Variants in GABRG2 observed in about 807,000 individuals in gnomAD.
The protein encoded by GABRG2 is gamma-aminobutyric acid type A receptor subunit gamma2.
Under a neutral mutation model 56.4 loss-of-function variants are expected in GABRG2, and 16 were observed. That is an observed-to-expected ratio of 0.28 (90% CI 0.19 to 0.43). GABRG2 has a LOEUF of 0.43. GABRG2 is among the 20% of genes least tolerant of loss of function. The pLI is 1.00. For missense variants in GABRG2, 327 were observed against 582.7 expected (o/e 0.56, Z 4.52); for synonymous variants, 208 against 205.5 (o/e 1.01, Z -0.10).
intron 6 of GABRG2, among the ~76,000 whole-genome samples, chr5:162,130,887 A>AG (rs1763693973): frequency 6.6e-6 from 1 of 151,958 alleles, no homozygotes; most frequent in Non-Finnish European, 1.5e-5. Context: ...GTCCCCATAG[A>AG]AGGCATGGAG....
At chr5:162,122,017 G>A (rs1375124862) in intron 6 of GABRG2, among the ~76,000 whole-genome samples, 1 of 151,962 alleles carries the variant, frequency 6.6e-6, no homozygotes, top group Non-Finnish European at 1.5e-5. Flanking sequence ...TAGTGTCACT[G>A]AAGGCAAAAG....
intron 6 of GABRG2, among the ~76,000 whole-genome samples, chr5:162,125,358 T>C (rs1353119926): frequency 6.6e-6 from 1 of 151,788 alleles, no homozygotes; most frequent in Admixed American, 6.6e-5. Flanking sequence ...CTGATTTTAA[T>C]ATACGTTTTA....
At chr5:162,084,361 TTTTCAGTTTACCATGAAACACTATAGCAA>T (rs1759892379) in intron 1 of GABRG2, among the ~76,000 whole-genome samples, 1 of 151,886 alleles carries the variant, frequency 6.6e-6, no homozygotes, top group Non-Finnish European at 1.5e-5. Context: ...CTATTTTGAA[TTTTCAGTTTACCATGAAACACTATAGCAA>T]GTGACGTCTG....
At chr5:162,122,499 C>A (rs955426786) in intron 6 of GABRG2, among the ~76,000 whole-genome samples, 1 of 151,596 alleles carries the variant, frequency 6.6e-6, no homozygotes, top group Non-Finnish European at 1.5e-5. Flanking sequence ...CTATATAAAC[C>A]GTTCGTTACA....
chr5:162,091,945 G>T (rs1760630325), intron 1 of GABRG2, among the ~76,000 whole-genome samples: 2 of 151,990 alleles, frequency 1.3e-5, no homozygotes, highest in Admixed American at 1.3e-4. Flanking sequence ...TTTTGAAAAG[G>T]CACTTTTGCA....
chr5:162,137,277 TC>T (rs1764204927), intron 6 of GABRG2, among the ~76,000 whole-genome samples: 1 of 152,184 alleles, frequency 6.6e-6, no homozygotes, highest in Admixed American at 6.5e-5. Context: ...GTAGTGTTTA[TC>T]CAAGAAATTT....
intron 7 of GABRG2, among the ~76,000 whole-genome samples, chr5:162,147,006 A>G (rs915577217): frequency 6.6e-6 from 1 of 152,186 alleles, no homozygotes; most frequent in Non-Finnish European, 1.5e-5. Flanking sequence ...GACAACAGTA[A>G]TTTTATTTCC....
chr5:162,124,493 CGA>C (rs950124801), intron 6 of GABRG2, among the ~76,000 whole-genome samples: 23 of 151,594 alleles, frequency 1.5e-4, no homozygotes, highest in African/African-American at 4.6e-4. Flanking sequence ...GAGGCCCTCC[CGA>C]GAAAAAGGAA....
intron 9 of GABRG2, 85 bp from the exon 10 acceptor site, chr5:162,153,008 T>A (rs1472693064): frequency 5.7e-5 from 85 of 1,487,770 alleles, no homozygotes; most frequent in Non-Finnish European, 7.8e-5. Flanking sequence ...AGATTCATCA[T>A]CACATTGGTG....
chr5:162,131,343 G>GT (rs1763741918), intron 6 of GABRG2, among the ~76,000 whole-genome samples: 1 of 152,038 alleles, frequency 6.6e-6, no homozygotes, highest in African/African-American at 2.4e-5. Flanking sequence ...TGAACCTCCA[G>GT]TGGTATCGCA....
At chr5:162,123,513 T>C (rs1247139062) in intron 6 of GABRG2, among the ~76,000 whole-genome samples, 1 of 151,872 alleles carries the variant, frequency 6.6e-6, no homozygotes, top group Non-Finnish European at 1.5e-5. Flanking sequence ...TAAAAAAATT[T>C]AGTTGAGCTC....
chr5:162,100,848 A>G (rs1761361730), intron 4 of GABRG2, among the ~76,000 whole-genome samples: 1 of 152,180 alleles, frequency 6.6e-6, no homozygotes, highest in African/African-American at 2.4e-5. Context: ...TCTTAGAATT[A>G]TCAACATTCA....
chr5:162,109,407 TATATA>T (rs1561647225), intron 6 of GABRG2, among the ~76,000 whole-genome samples: 10 of 139,390 alleles, frequency 7.2e-5, no homozygotes, highest in Non-Finnish European at 1.5e-4. Flanking sequence ...TATATATATA[TATATA>T]TATATATATA....
intron 3 of GABRG2, among the ~76,000 whole-genome samples, chr5:162,096,960 G>A (rs1391919045): frequency 2.0e-5 from 3 of 152,022 alleles, no homozygotes; most frequent in Admixed American, 1.3e-4. Flanking sequence ...CCCTCTTCTT[G>A]GGGGTTTGTT....
At chr5:162,121,741 G>A (rs1047457352) in intron 6 of GABRG2, among the ~76,000 whole-genome samples, 2 of 152,022 alleles carry the variant, frequency 1.3e-5, no homozygotes, top group Admixed American at 6.6e-5. Context: ...TGCTGGAGTT[G>A]AAGGAGGTAA....
chr5:162,144,340 C>G (rs1316754411), intron 7 of GABRG2, among the ~76,000 whole-genome samples: 10 of 152,198 alleles, frequency 6.6e-5, no homozygotes, highest in Admixed American at 6.5e-4. Flanking sequence ...CCTCTTGAAG[C>G]CTGGATTCTT....
rs76149855 is a variant in GABRG2 at position 162,105,354 on chromosome 5, C to T, written c.769+1328C>T. 4.6e-3 allele frequency among the ~76,000 whole-genome samples: 696 copies of T among 150,948 alleles called. 7 individuals carry two copies. The highest frequency in any genetic ancestry group is 0.016 in the African/African-American group (666 of 41,096). On this transcript the variant is annotated intron_variant, in intron 6 of 9. Transcript: ENST00000639213. ...AATCTGAAAGAAGGTCATAGTAATG[C>T]TTGAGTATATTATTTTAAAATGGCC...
chr5:162,073,901 C>T (rs927718500), intron 1 of GABRG2, among the ~76,000 whole-genome samples: 1 of 151,890 alleles, frequency 6.6e-6, no homozygotes, highest in African/African-American at 2.4e-5. Flanking sequence ...CTTCAAGGAT[C>T]CTTTACTATT....
At chr5:162,090,228 T>A (rs1561640452) in intron 1 of GABRG2, among the ~76,000 whole-genome samples, 1 of 151,658 alleles carries the variant, frequency 6.6e-6, no homozygotes, top group African/African-American at 2.4e-5. Flanking sequence ...AATTTTTATT[T>A]AAAAAAAACC....
Sources: allele counts gnomAD v4.1 joint callset (sites outside exome capture counted in the v4.1 genomes callset), GRCh38; gene constraint gnomAD v4.1.1; transcripts MANE v1.5; gene names NCBI Gene and HGNC (gene_info 2026-07-23, HGNC 2026-07-21).